KIF13B: variants seen among roughly 807,000 people sequenced by gnomAD.
The protein encoded by KIF13B is kinesin family member 13B.
KIF13B carries 127 observed loss-of-function variants against 222.0 expected under a neutral mutation model. The ratio of observed to expected loss-of-function variants is 0.57; its 90% CI spans 0.50 to 0.66. The LOEUF (loss-of-function observed/expected upper bound fraction) is 0.66, where lower values mean the gene tolerates loss of function less well. KIF13B is among the 30% of genes least tolerant of loss of function. The pLI is 0.00. For missense variants in KIF13B, 2,173 were observed against 2,379.0 expected, an observed-to-expected ratio of 0.91 and a Z score of 1.80; for synonymous variants, 976 against 919.0, an observed-to-expected ratio of 1.06 and a Z score of -1.12.
intron 16 of KIF13B, among the ~76,000 whole-genome samples, chr8:29,148,195 ACT>A (rs1456734410): frequency 1.3e-5 from 2 of 152,158 alleles, no homozygotes; most frequent in Non-Finnish European, 2.9e-5. Context: ...ACAGAGCGAG[ACT>A]CTCTCACAAA....
intron 2 of KIF13B, among the ~76,000 whole-genome samples, chr8:29,240,365 C>T (rs1417271950): frequency 2.0e-5 from 3 of 149,564 alleles, no homozygotes; most frequent in African/African-American, 7.3e-5. Context: ...AGAATGTCCT[C>T]CATAAAGTGA....
At chr8:29,126,537 A>T (rs1280034578) in intron 25 of KIF13B, 26 bp from the exon 26 acceptor site, 2 of 1,344,680 alleles carry the variant, frequency 1.5e-6, no homozygotes, top group Admixed American at 3.8e-5. Context: ...CATTACAAAG[A>T]ACTGAATTAT....
chr8:29,091,819 T>C (rs4732903), intron 37 of KIF13B, among the ~76,000 whole-genome samples: 131,432 of 152,206 alleles, frequency 0.86, 57,405 homozygotes, highest in Non-Finnish European at 0.93. Context: ...TAAACAGCTG[T>C]AAAATCTTGG....
At chr8:29,074,099 C>T (rs953328213) in intron 38 of KIF13B, among the ~76,000 whole-genome samples, 1 of 152,190 alleles carries the variant, frequency 6.6e-6, no homozygotes, top group African/African-American at 2.4e-5. Context: ...TTCTGTTCCC[C>T]GCCCCCACCC....
At chr8:29,171,431 A>C (rs1477002323) in intron 10 of KIF13B, among the ~76,000 whole-genome samples, 2 of 152,198 alleles carry the variant, frequency 1.3e-5, no homozygotes, top group Non-Finnish European at 2.9e-5. Flanking sequence ...AGGCAGAAAA[A>C]AAAAGACGCT....
intron 4 of KIF13B, 92 bp downstream of exon 4, chr8:29,190,905 T>C (rs775129453): frequency 2.0e-5 from 19 of 927,496 alleles, no homozygotes; most frequent in African/African-American, 4.9e-5. Flanking sequence ...AACACACAGT[T>C]TGGGGGGTTT....
intron 12 of KIF13B, among the ~76,000 whole-genome samples, chr8:29,163,441 C>T (rs17059722): frequency 0.065 from 9,835 of 152,184 alleles, 678 homozygotes; most frequent in African/African-American, 0.17. Context: ...CCCAGAATGA[C>T]GTGAGAAGTC....
intron 1 of KIF13B, among the ~76,000 whole-genome samples, chr8:29,252,577 A>G (rs1816323995): frequency 6.6e-6 from 1 of 152,236 alleles, no homozygotes; most frequent in African/African-American, 2.4e-5. Flanking sequence ...AAGATAGATA[A>G]TAAGCTATTT....
intron 2 of KIF13B, among the ~76,000 whole-genome samples, chr8:29,209,174 G>T (rs1814092716): frequency 6.6e-6 from 1 of 152,158 alleles, no homozygotes; most frequent in Non-Finnish European, 1.5e-5. Flanking sequence ...ACTGAAAAAA[G>T]GAACTGCCAG....
rs57720312 is a variant in KIF13B, at chr8:29,247,833, CAAAAAAA to C, written c.56-2401_56-2395del. ...TAGGTGTGAGAGTAAGACCCTGTCT[CAAAAAAA>C]AAAAAAAAAAAAAAAAAGACAAATA... On this transcript the variant is annotated intron_variant, in intron 1 of 39. Transcript: ENST00000524189. Among the ~76,000 whole-genome samples, 42 of 54,418 alleles carry C rather than the reference CAAAAAAA, an allele frequency of 7.7e-4. 1 individual carries two copies. The South Asian group carries it at 0.025, about 32-fold the overall frequency. The allele number at this position is 54,418 out of a possible 152,430, so 35.7% of individuals were successfully genotyped here.
chr8:29,260,865 G>A (rs894221169), intron 1 of KIF13B, among the ~76,000 whole-genome samples: 8 of 152,084 alleles, frequency 5.3e-5, no homozygotes, highest in Non-Finnish European at 8.8e-5. Flanking sequence ...TGATCCACCC[G>A]CCTCGGCCTC....
At chr8:29,130,224 A>G (rs1480494489) in intron 24 of KIF13B, among the ~76,000 whole-genome samples, 5 of 152,220 alleles carry the variant, frequency 3.3e-5, no homozygotes, top group African/African-American at 1.2e-4. Flanking sequence ...ATAAATATCA[A>G]TATTTGGCTG....
At chr8:29,211,816 T>C (rs1814241393) in intron 2 of KIF13B, among the ~76,000 whole-genome samples, 1 of 152,244 alleles carries the variant, frequency 6.6e-6, no homozygotes, top group Non-Finnish European at 1.5e-5. Context: ...CAATTGCTAA[T>C]TTCTAATTGC....
At chr8:29,239,620 C>G (rs1188652738) in intron 2 of KIF13B, among the ~76,000 whole-genome samples, 1 of 152,024 alleles carries the variant, frequency 6.6e-6, no homozygotes, top group Non-Finnish European at 1.5e-5. Flanking sequence ...CAACAAAAGC[C>G]CAAACCTCAA....
chr8:29,165,893 C>G (rs1161921325), intron 11 of KIF13B, 121 bp from the exon 12 acceptor site: 2 of 95,600 alleles, frequency 2.1e-5, no homozygotes, highest in African/African-American at 4.2e-4. Flanking sequence ...ACGCTGAGGT[C>G]TGACATCTAC....
chr8:29,092,732 C>T lies in KIF13B; in HGVS notation c.4458+13G>A, dbSNP rs758366223. 3.7e-6 allele frequency: 6 copies of T among 1,602,026 alleles called. No homozygotes were observed. Among genetic ancestry groups the T allele is most frequent in the Non-Finnish European group, 4.3e-6 (5 of 1,175,748 alleles). On this transcript the variant is annotated intron_variant, in intron 37 of 39. Coordinates refer to ENST00000524189, the MANE Select transcript of KIF13B (RefSeq NM_015254.4). ...AGAAAAACGTTCACAGCTGTTTTCT[C>T]GGTGCTTTTTACCTGGTGTGCGAGG...
At chr8:29,234,349 A>G (rs947462289) in intron 2 of KIF13B, among the ~76,000 whole-genome samples, 9 of 151,984 alleles carry the variant, frequency 5.9e-5, no homozygotes, top group Admixed American at 3.9e-4. Flanking sequence ...AAAGGAAGGA[A>G]ATTCTAACAT....
chr8:29,108,735 C>G (rs1809217136), intron 34 of KIF13B, among the ~76,000 whole-genome samples: 1 of 152,182 alleles, frequency 6.6e-6, no homozygotes, highest in Non-Finnish European at 1.5e-5. Context: ...GAAACTCCTC[C>G]TATCACTCTC....
At chr8:29,134,301 C>T in intron 21 of KIF13B, 91 bp from the exon 22 acceptor site, 1 of 1,189,192 alleles carries the variant, frequency 8.4e-7, no homozygotes, top group East Asian at 2.3e-5. Context: ...CTGTCACTAA[C>T]TTAGGTGCTT....
Sources: gnomAD v4.1 joint callset for allele counts (sites outside exome capture counted in the v4.1 genomes callset) on GRCh38, gnomAD v4.1.1 for gene constraint, MANE v1.5 for transcripts, NCBI Gene and HGNC (gene_info 2026-07-23, HGNC 2026-07-21) for gene names.